PLEKHG5: variants seen among roughly 807,000 people sequenced by gnomAD.
The protein encoded by PLEKHG5 is pleckstrin homology domain-containing family G member 5.
In PLEKHG5, 52 loss-of-function variants were observed where a neutral mutation model predicts 103.8. The ratio of observed to expected loss-of-function variants is 0.50; its 90% CI spans 0.40 to 0.63. The LOEUF (loss-of-function observed/expected upper bound fraction) is 0.63, where lower values mean the gene tolerates loss of function less well. Among genes scored for constraint, PLEKHG5 ranks in the 30% least tolerant of loss-of-function variants. The pLI is 0.00. For synonymous variants in PLEKHG5, 592 were observed against 575.5 expected (o/e 1.03, Z -0.41); for missense variants, 1,205 against 1,347.6 (o/e 0.89, Z 1.66).
intron 1 of PLEKHG5, chr1:6,485,304 G>T: frequency 7.4e-7 from 1 of 1,355,308 alleles, no homozygotes; most frequent in East Asian, 3.1e-5. Flanking sequence ...CCCCGTTCCC[G>T]CCCCGTCCCG....
intron 12 of PLEKHG5, 29 bp from the exon 13 acceptor site, chr1:6,471,129 C>G (rs1414987250): frequency 2.0e-6 from 3 of 1,522,954 alleles, no homozygotes; most frequent in Middle Eastern, 2.0e-4. Flanking sequence ...ACCACGGCGC[C>G]GGTTACCGCG....
At chr1:6,497,342 C>A, upstream of PLEKHG5, 1 of 1,035,444 alleles carries the variant, frequency 9.7e-7, no homozygotes, top group South Asian at 4.8e-5. This position sits in a 1 kb window ranked among gnomAD's most constrained non-coding sequence, Gnocchi z 6.1. Context: ...CCCCGTGCCG[C>A]GCGGGGGGCG....
At chr1:6,480,566 T>C (rs528448218) in intron 1 of PLEKHG5, among the ~76,000 whole-genome samples, 1 of 151,936 alleles carries the variant, frequency 6.6e-6, no homozygotes, top group South Asian at 2.1e-4. Context: ...TGATGTGAGC[T>C]TGCGGTCCTA....
exon 1 of PLEKHG5, chr1:6,519,637 C>T (rs1638720028): frequency 1.3e-6 from 1 of 762,520 alleles, no homozygotes; most frequent in Non-Finnish European, 2.3e-6. Context: ...ACATGGAAGG[C>T]TTCTCCCCGA....
chr1:6,471,036 A>G lies in PLEKHG5; in HGVS notation c.1346T>C (p.Met449Thr), dbSNP rs1553174146. ...GTCGTTGTCGCGCAGCAGGCCGCGC[A>G]TGTACTCCATGCAGCCCTCCTCCTC... ...CMEEEGCMEY[M>T]RGLLRDNDLF... Residue 449 changes from methionine (M) to threonine (T), a missense_variant, in exon 13 of 21, where the codon ATG (methionine) becomes ACG (threonine). Coordinates refer to ENST00000377728, the MANE Select transcript of PLEKHG5 (RefSeq NM_020631.6). The G allele has an allele frequency of 6.2e-7, 1 of 1,605,634 alleles. No individual in the cohort carries two copies. Among genetic ancestry groups the G allele is most frequent in the Admixed American group, 1.7e-5 (1 of 59,464 alleles).
At chr1:6,482,523 T>G (rs140662174) in intron 1 of PLEKHG5, among the ~76,000 whole-genome samples, 1 of 152,254 alleles carries the variant, frequency 6.6e-6, no homozygotes, top group East Asian at 1.9e-4. Context: ...GGAGCCACAC[T>G]GGGGGCATTA....
intron 1 of PLEKHG5, among the ~76,000 whole-genome samples, chr1:6,478,887 G>A (rs1397225972): frequency 1.3e-5 from 2 of 152,104 alleles, no homozygotes; most frequent in Non-Finnish European, 2.9e-5. Flanking sequence ...CAGGTGATCC[G>A]CCTGCCTCGG....
In PLEKHG5 at chr1:6,471,763, A is replaced by G; in HGVS notation, c.1126T>C (p.Cys376Arg). The G allele has an allele frequency of 6.2e-7, 1 of 1,610,022 alleles. No homozygotes were observed. The change falls in exon 11 of 21, where the codon TGT becomes CGT. Residue 376 changes from cysteine to arginine, a missense_variant. Physicochemically the swap from Cys to Arg is radical, Grantham distance 180. Transcript: ENST00000377728. ...GCCCCCGAATCCCAGCGCACCTCAC[A>G]CAGCAGCCCTGACTCTTGCAGGTTC... Reference protein sequence around the residue: ...LLNLQESGLLCEVEAERLFSN... With the variant: ...LLNLQESGLLREVEAERLFSN...
intron 1 of PLEKHG5, among the ~76,000 whole-genome samples, chr1:6,478,836 G>A (rs1481350105): frequency 2.6e-5 from 4 of 152,122 alleles, no homozygotes; most frequent in African/African-American, 9.7e-5. Context: ...TAGAGACGGA[G>A]TTTCACCATG....
intron 1 of PLEKHG5, among the ~76,000 whole-genome samples, chr1:6,504,410 G>T (rs1460892147): frequency 6.6e-6 from 1 of 152,032 alleles, no homozygotes; most frequent in East Asian, 1.9e-4. Flanking sequence ...GCCTGGAGTT[G>T]CTGGGGCCTG....
chr1:6,513,172 A>G (rs1465800633), intron 1 of PLEKHG5, among the ~76,000 whole-genome samples: 1 of 152,234 alleles, frequency 6.6e-6, no homozygotes, highest in Non-Finnish European at 1.5e-5. Flanking sequence ...TCGGGGATGC[A>G]GGGCCCAGGC....
chr1:6,508,480 G>A (rs999603038), intron 1 of PLEKHG5, among the ~76,000 whole-genome samples: 1 of 152,196 alleles, frequency 6.6e-6, no homozygotes, highest in African/African-American at 2.4e-5. Flanking sequence ...AGCCCCAGTG[G>A]GTCAGGGGAG....
chr1:6,467,998 G>T lies in PLEKHG5; in HGVS notation c.2838C>A (p.Ala946=). The T allele has an allele frequency of 1.9e-6, 3 of 1,553,988 alleles. No homozygotes were observed. The highest frequency in any genetic ancestry group is 2.6e-6 in the Non-Finnish European group (3 of 1,151,444). ...TCCTGTGGGAGCCTGCAGGTTCCCC[G>T]GCCAGGCAGCCGACTAGCCCAGGAC... ...GSGPGLVGCL[A]GEPAGSHRKR... Residue 946 remains alanine (A), a synonymous_variant, in exon 20 of 21, where the codon GCC becomes GCA. Transcript: ENST00000377728.
intron 1 of PLEKHG5, among the ~76,000 whole-genome samples, chr1:6,481,848 G>C (rs957375403): frequency 6.7e-6 from 1 of 149,376 alleles, no homozygotes; most frequent in South Asian, 2.1e-4. Context: ...TGGGCTACAG[G>C]GAAGACATTA....
intron 12 of PLEKHG5, 72 bp from the exon 13 acceptor site, chr1:6,471,172 G>T: frequency 8.0e-7 from 1 of 1,252,798 alleles, no homozygotes; most frequent in Non-Finnish European, 1.1e-6. Context: ...GCCAGGCGCT[G>T]CGCAAGCGCT....
intron 1 of PLEKHG5, among the ~76,000 whole-genome samples, chr1:6,482,432 A>G (rs549623432): frequency 1.3e-5 from 2 of 152,280 alleles, no homozygotes; most frequent in Admixed American, 1.3e-4. Context: ...AGGCGTGGTG[A>G]GGATAGCAGA....
intron 1 of PLEKHG5, among the ~76,000 whole-genome samples, chr1:6,480,612 T>A (rs1393924591): frequency 2.0e-5 from 3 of 151,666 alleles, no homozygotes; most frequent in Non-Finnish European, 4.4e-5. Flanking sequence ...TTAACCTAAA[T>A]CAATTATTTG....
At chr1:6,498,209 A>G (rs549987104), upstream of PLEKHG5, among the ~76,000 whole-genome samples, 2 of 152,280 alleles carry the variant, frequency 1.3e-5, no homozygotes, top group South Asian at 4.2e-4. Context: ...CACTGGCACC[A>G]GGAGGCATTG....
At chr1:6,475,843 C>T in intron 3 of PLEKHG5, 88 bp downstream of exon 3, 4 of 1,109,482 alleles carry the variant, frequency 3.6e-6, no homozygotes, top group Admixed American at 3.4e-5. Flanking sequence ...TTGAGGAAGG[C>T]GCCAGAGCAT....
Sources: allele counts gnomAD v4.1 joint callset (sites outside exome capture counted in the v4.1 genomes callset), GRCh38; gene constraint gnomAD v4.1.1; non-coding constraint Gnocchi (gnomAD v3.1); transcripts MANE v1.5; gene names NCBI Gene and HGNC (gene_info 2026-07-23, HGNC 2026-07-21).